HSPG2: variants seen among roughly 807,000 people sequenced by gnomAD.
The protein encoded by HSPG2 is heparan sulfate proteoglycan 2.
In HSPG2, 278 loss-of-function variants were observed where a neutral mutation model predicts 526.6. That is an observed-to-expected ratio of 0.53 (90% CI 0.48 to 0.58). The LOEUF is 0.58. HSPG2 is among the 20% of genes least tolerant of loss of function. The probability of loss-of-function intolerance (pLI) is 0.00; values close to 1 mark genes in which losing one functional copy is unlikely to be tolerated. For missense variants in HSPG2, 5,354 were observed against 6,099.5 expected, an observed-to-expected ratio of 0.88 and a Z score of 4.07; for synonymous variants, 2,465 against 2,555.4, an observed-to-expected ratio of 0.96 and a Z score of 1.07.
intron 91 of HSPG2, among the ~76,000 whole-genome samples, chr1:21,827,345 G>A (rs1219860317): frequency 4.6e-5 from 7 of 152,176 alleles, no homozygotes; most frequent in Non-Finnish European, 8.8e-5. Context: ...GCTAGTAAGT[G>A]GGAGAGCTAG....
Position 21,865,672 on chromosome 1 carries a change from C to T in HSPG2, c.4314+45G>A, listed in dbSNP as rs375049316. 2 of 1,491,594 alleles carry T rather than the reference C, an allele frequency of 1.3e-6. No homozygotes were observed. The highest frequency in any genetic ancestry group is 1.9e-6 in the Non-Finnish European group (2 of 1,068,952). The allele number at this position is 1,491,594 out of a possible 1,614,324, so 92.4% of individuals were successfully genotyped here. A position where few individuals can be genotyped will look rare whatever the true frequency, so the allele number is the denominator to read the frequency against. ...CAAATGCCGAGGGTGCCCCTGGCTT[C>T]CATCCTGCCCTTCTGCCCACCCAGC... On this transcript the variant is annotated intron_variant, in intron 34 of 96. Coordinates refer to ENST00000374695, the MANE Select transcript of HSPG2 (RefSeq NM_005529.7). The surrounding 1 kb of genome is among the most constrained non-coding windows in gnomAD (Gnocchi z 5.4).
At chr1:21,875,792 G>A in intron 24 of HSPG2, 45 bp from the exon 25 acceptor site, 2 of 1,606,322 alleles carry the variant, frequency 1.2e-6, no homozygotes, top group South Asian at 1.1e-5. Context: ...ACGTCCTGGA[G>A]TATTGAATGC....
intron 76 of HSPG2, 146 bp from the exon 77 acceptor site, chr1:21,835,091 A>T: frequency 1.1e-6 from 1 of 892,604 alleles, no homozygotes; most frequent in Non-Finnish European, 1.8e-6. Context: ...TTCACTCACA[A>T]ACACACTCAC....
Position 21,860,013 on chromosome 1 carries a change from G to T in HSPG2, c.5015-11C>A. On this transcript the variant is annotated splice_polypyrimidine_tract_variant and intron_variant, in intron 40 of 96. Coordinates refer to ENST00000374695, the MANE Select transcript of HSPG2 (RefSeq NM_005529.7). ...GTGGGGCTTGGTTTGCTGGGGGTGGGGGCCGGGACAGGAAGGGCCTTTCAG... is the reference window on the plus strand; with the variant it reads ...GTGGGGCTTGGTTTGCTGGGGGTGGTGGCCGGGACAGGAAGGGCCTTTCAG... 6.2e-7 allele frequency: 1 copy of T among 1,609,518 alleles called. No individual in the cohort carries two copies. The highest frequency in any genetic ancestry group is 1.1e-5 in the South Asian group (1 of 90,110).
Position 21,833,194 on chromosome 1 carries a change from G to A in HSPG2, c.11095+74C>T, listed in dbSNP as rs535108440. On this transcript the variant is annotated intron_variant, in intron 80 of 96. Coordinates refer to ENST00000374695, the MANE Select transcript of HSPG2 (RefSeq NM_005529.7). Reference sequence around the variant, plus strand: ...GGACTGAGGGGCAGCCAGGGCTCCTGCCATGATGGCAGTTACTCCACGAGG... The same window carrying A: ...GGACTGAGGGGCAGCCAGGGCTCCTACCATGATGGCAGTTACTCCACGAGG... 57 of 1,233,992 alleles carry A rather than the reference G, an allele frequency of 4.6e-5. No homozygotes were observed. In the African/African-American group the frequency reaches 7.0e-4, roughly 15 times the overall value. The allele number at this position is 1,233,992 out of a possible 1,614,324, so 76.4% of individuals were successfully genotyped here.
chr1:21,835,427 T>C (rs2098022496), intron 76 of HSPG2, 113 bp downstream of exon 76: 1 of 757,268 alleles, frequency 1.3e-6, no homozygotes, highest in Non-Finnish European at 2.4e-6. Context: ...TAATTCTCTT[T>C]ATTCTGACAC....
chr1:21,899,709 A>G (rs1041182195), intron 1 of HSPG2, among the ~76,000 whole-genome samples: 4 of 152,200 alleles, frequency 2.6e-5, no homozygotes, highest in Non-Finnish European at 5.9e-5. Context: ...TCAGCCTAGT[A>G]TCACCTGAGT....
At position 21,843,321 on chromosome 1, in the gene HSPG2, G is replaced by A. The variant is rs376805224; in HGVS notation, c.8734C>T (p.Pro2912Ser). 1.9e-6 allele frequency: 3 copies of A among 1,613,954 alleles called. No individual in the cohort carries two copies. The highest frequency in any genetic ancestry group is 1.3e-5 in the African/African-American group (1 of 74,930). Residue 2912 changes from proline (P) to serine (S), a missense_variant, in exon 66 of 97, where the codon CCC becomes TCC. Coordinates refer to ENST00000374695, the MANE Select transcript of HSPG2 (RefSeq NM_005529.7). ...CCAGGAATGGGTCCTGGGCTGGAGGGCTCAATTGTGACCAGGACAGATGCC... is the reference window on the plus strand; with the variant it reads ...CCAGGAATGGGTCCTGGGCTGGAGGACTCAATTGTGACCAGGACAGATGCC... ...LEASVLVTIE[P>S]SSPGPIPAPG...
At chr1:21,927,312 A>AGGGTG (rs1644225343) in intron 1 of HSPG2, among the ~76,000 whole-genome samples, 1 of 152,192 alleles carries the variant, frequency 6.6e-6, no homozygotes, top group Non-Finnish European at 1.5e-5. Context: ...CCCAAAGCAT[A>AGGGTG]GGGTGGGGTG....
Position 21,887,296 on chromosome 1 carries a change from C to T in HSPG2, c.997G>A (p.Gly333Arg), listed in dbSNP as rs377211300. 14 of 1,614,072 alleles carry T rather than the reference C, an allele frequency of 8.7e-6. No individual in the cohort carries two copies. Among genetic ancestry groups the T allele is most frequent in the African/African-American group, 6.7e-5 (5 of 75,018 alleles). Residue 333 changes from glycine (G) to arginine (R), a missense_variant, in exon 9 of 97, where the codon GGG (glycine) becomes AGG (arginine). Gly to Arg is a moderately radical substitution (Grantham distance 125). Transcript: ENST00000374695. This position sits in a 1 kb window ranked among gnomAD's most constrained non-coding sequence, Gnocchi z 5.0. ...AGCTTGAGGGCACAATGTCCATTCCCGCAGGGGAACTCGTTGGGCTCACAG... is the reference window on the plus strand; with the variant it reads ...AGCTTGAGGGCACAATGTCCATTCCTGCAGGGGAACTCGTTGGGCTCACAG... Reference protein sequence around the residue: ...PPCEPNEFPCGNGHCALKLWR... With the variant: ...PPCEPNEFPCRNGHCALKLWR...
chr1:21,888,197 G>A (rs1642083435), intron 6 of HSPG2, 131 bp from the exon 7 acceptor site: 4 of 1,206,616 alleles, frequency 3.3e-6, no homozygotes, highest in Admixed American at 1.9e-5. Flanking sequence ...CAGGCACAAC[G>A]AGGGCAAGCA....
In HSPG2 at chr1:21,828,740, T is replaced by G. The variant is rs535756413; in HGVS notation, c.12237+95A>C. 78 of 1,521,710 alleles carry G rather than the reference T, an allele frequency of 5.1e-5. No homozygotes were observed. The highest frequency in any genetic ancestry group is 2.6e-4 in the Admixed American group (13 of 50,896). The allele number at this position is 1,521,710 out of a possible 1,614,324, so 94.3% of individuals were successfully genotyped here. ...CCCAGGGCCCGTGGGTGGCTGCAGG[T>G]GGAGGGGCCCAATGCCAAGGTGCTT... On this transcript the variant is annotated intron_variant, in intron 88 of 96. Transcript: ENST00000374695. The surrounding 1 kb of genome is among the most constrained non-coding windows in gnomAD (Gnocchi z 6.0).
Position 21,872,656 on chromosome 1 carries a change from G to T in HSPG2, c.3993C>A (p.Thr1331=). The T allele has an allele frequency of 6.3e-7, 1 of 1,599,480 alleles. No individual in the cohort carries two copies. The highest frequency in any genetic ancestry group is 1.8e-5 in the Admixed American group (1 of 56,766). The part of the protein sequence containing the change: ...GCLPCFCMGI[T]QQCASSAYTR... ...TGTAGGCAGAGCTGGCGCACTGCTGGGTGATGCCCATACAGAAGCAGGGCA... is the reference window on the plus strand; with the variant it reads ...TGTAGGCAGAGCTGGCGCACTGCTGTGTGATGCCCATACAGAAGCAGGGCA... Residue 1331 remains threonine, a synonymous_variant, in exon 32 of 97, where the codon ACC becomes ACA. Coordinates refer to ENST00000374695, the MANE Select transcript of HSPG2 (RefSeq NM_005529.7). The surrounding 1 kb of genome is among the most constrained non-coding windows in gnomAD (Gnocchi z 5.5).
chr1:21,830,615 G>A (rs1333467165), intron 85 of HSPG2: 5 of 304,798 alleles, frequency 1.6e-5, no homozygotes, highest in South Asian at 8.3e-5. Context: ...GCTTGAACCC[G>A]GGAGGTGGAA....
At chr1:21,930,977 G>A (rs1019802037) in intron 1 of HSPG2, among the ~76,000 whole-genome samples, 2 of 152,182 alleles carry the variant, frequency 1.3e-5, no homozygotes, top group African/African-American at 4.8e-5. Flanking sequence ...CAGGGAATGG[G>A]CCCTGGTCAG....
chr1:21,893,898 G>A lies in HSPG2; in HGVS notation c.244+2024C>T, dbSNP rs1642555973. 6.6e-6 allele frequency among the ~76,000 whole-genome samples: 1 copy of A among 151,912 alleles called. No individual in the cohort carries two copies. Among genetic ancestry groups the A allele is most frequent in the Non-Finnish European group, 1.5e-5 (1 of 67,918 alleles). On this transcript the variant is annotated intron_variant, in intron 3 of 96. Coordinates refer to ENST00000374695, the MANE Select transcript of HSPG2 (RefSeq NM_005529.7). This position sits in a 1 kb window ranked among gnomAD's most constrained non-coding sequence, Gnocchi z 4.3. ...AGAAAAAAAAAAAAGAACAGGCAGA[G>A]GGGAGAGAGGGAAAGACAGAGGGCG... is the stretch of plus-strand genomic sequence containing the variant.
At chr1:21,933,667 CAG>C (rs1644406346) in intron 1 of HSPG2, among the ~76,000 whole-genome samples, 1 of 152,356 alleles carries the variant, frequency 6.6e-6, no homozygotes, top group East Asian at 1.9e-4. Context: ...ACTCCCCAGA[CAG>C]GGGGAAATGG....
chr1:21,833,906 C>T lies in HSPG2; in HGVS notation c.10740G>A (p.Met3580Ile), dbSNP rs374473164. ...LLVQALPQIS[M>I]PQEVRVPAGS... ...CAGCAGGCACACGGACTTCTTGGGGCATTGAGATCTGGGGCAAGGCTGAGA... is the reference window on the plus strand; with the variant it reads ...CAGCAGGCACACGGACTTCTTGGGGTATTGAGATCTGGGGCAAGGCTGAGA... The change falls in exon 78 of 97, where the codon ATG becomes ATA. Residue 3580 changes from methionine to isoleucine, a missense_variant. Physicochemically the swap from Met to Ile is conservative, Grantham distance 10. Coordinates refer to ENST00000374695, the MANE Select transcript of HSPG2 (RefSeq NM_005529.7). 159 of 1,591,766 alleles carry T rather than the reference C, an allele frequency of 1.0e-4. No individual in the cohort carries two copies. Among genetic ancestry groups the T allele is most frequent in the Non-Finnish European group, 1.1e-4 (129 of 1,168,788 alleles).
rs765561690 is a variant in HSPG2 at position 21,857,183 on chromosome 1, T to C, written c.5407A>G (p.Thr1803Ala). Residue 1803 changes from threonine (T) to alanine (A), a missense_variant, in exon 44 of 97, where the codon ACC (threonine) becomes GCC (alanine). Transcript: ENST00000374695. Reference sequence around the variant, plus strand: ...TTGTGCAGGCGGGTCCACACCAGGGTATAGGCTGGGGACTGCAGGGCAAGG... The same window carrying C: ...TTGTGCAGGCGGGTCCACACCAGGGCATAGGCTGGGGACTGCAGGGCAAGG... ...CTAKSKSPAY[T>A]LVWTRLHNGK... 2.5e-6 allele frequency: 4 copies of C among 1,612,820 alleles called. No individual in the cohort carries two copies. In the South Asian group the frequency reaches 4.4e-5, roughly 18 times the overall value.
Sources: gnomAD v4.1 joint callset for allele counts (sites outside exome capture counted in the v4.1 genomes callset) on GRCh38, gnomAD v4.1.1 for gene constraint, Gnocchi (gnomAD v3.1) non-coding constraint, MANE v1.5 for transcripts, NCBI Gene and HGNC (gene_info 2026-07-23, HGNC 2026-07-21) for gene names.